Variants in STX1A observed in about 807,000 individuals in gnomAD.
The protein encoded by STX1A is syntaxin 1A, also known as syntaxin-1A.
STX1A carries 4 observed loss-of-function variants against 37.8 expected under a neutral mutation model. The ratio of observed to expected loss-of-function variants is 0.11; its 90% CI spans 0.05 to 0.24. The LOEUF (loss-of-function observed/expected upper bound fraction) is 0.24. Among genes scored for constraint, STX1A ranks in the 10% least tolerant of loss-of-function variants. The pLI, the probability that STX1A is intolerant of heterozygous loss-of-function variation, is 1.00. For missense variants in STX1A, 251 were observed against 399.9 expected, an observed-to-expected ratio of 0.63 and a Z score of 3.18; for synonymous variants, 135 against 147.4, an observed-to-expected ratio of 0.92 and a Z score of 0.61.
chr7:73,719,053 G>A (rs1006429494), intron 1 of STX1A, among the ~76,000 whole-genome samples: 32 of 151,918 alleles, frequency 2.1e-4, no homozygotes, highest in African/African-American at 7.2e-4. Flanking sequence ...GGTGACCAGG[G>A]TGGCCCGAGG....
intron 4 of STX1A, 138 bp from the exon 5 acceptor site, chr7:73,704,561 C>T: frequency 9.2e-7 from 1 of 1,084,344 alleles, no homozygotes; most frequent in South Asian, 1.4e-5. Context: ...CAGTGCCAGG[C>T]ACCGATGGAG....
intron 1 of STX1A, among the ~76,000 whole-genome samples, chr7:73,710,101 C>G (rs1265721703): frequency 6.6e-6 from 1 of 152,240 alleles, no homozygotes; most frequent in Non-Finnish European, 1.5e-5. Context: ...CCAGCAGGCA[C>G]AAGGGGACAG....
rs1379610263 is a variant in STX1A at position 73,700,304 on chromosome 7, C to T, written c.*103G>A. On this transcript the variant is annotated 3_prime_UTR_variant, in exon 10 of 10. Coordinates refer to ENST00000222812, the MANE Select transcript of STX1A (RefSeq NM_004603.4). The surrounding 1 kb of genome is among the most constrained non-coding windows in gnomAD (Gnocchi z 4.4). ...CATGGGGGCCGGGAGGGAGGGTGCT[C>T]TGAGCCAGAGGCGGGGGTTGGGAGG... 1.7e-6 allele frequency: 2 copies of T among 1,165,516 alleles called. No homozygotes were observed. The highest frequency in any genetic ancestry group is 2.5e-6 in the Non-Finnish European group (2 of 788,840). 72.2% of individuals were successfully genotyped at this position (1,165,516 alleles called of 1,614,324 possible).
chr7:73,700,216 C>T lies in STX1A; in HGVS notation c.*191G>A. On this transcript the variant is annotated 3_prime_UTR_variant, in exon 10 of 10. Transcript: ENST00000222812. The surrounding 1 kb of genome is among the most constrained non-coding windows in gnomAD (Gnocchi z 4.4). The stretch of plus-strand genomic sequence containing the variant: ...CTCTGCCTCTTCCCGTACAGACGCA[C>T]ACTCACAGAGATCATGCACACGACA... 1 of 631,064 alleles carries T rather than the reference C, an allele frequency of 1.6e-6. No individual in the cohort carries two copies. Among genetic ancestry groups the T allele is most frequent in the Non-Finnish European group, 2.8e-6 (1 of 354,286 alleles). 39.1% of individuals were successfully genotyped at this position (631,064 alleles called of 1,614,324 possible).
chr7:73,711,001 T>C (rs142352692), intron 1 of STX1A, among the ~76,000 whole-genome samples: 10 of 152,094 alleles, frequency 6.6e-5, no homozygotes, highest in African/African-American at 2.2e-4. Flanking sequence ...GACTGATTGA[T>C]TGATTGAGAC....
At position 73,705,415 on chromosome 7, in the gene STX1A, C is replaced by T; in HGVS notation, c.209-191G>A. On this transcript the variant is annotated intron_variant, in intron 3 of 9. Transcript: ENST00000222812. The surrounding 1 kb of genome is among the most constrained non-coding windows in gnomAD (Gnocchi z 5.2). ...TGGGCCAGGGCTGCACCAGCTGCAG[C>T]TTCACCCCCTCTTGTGCTGTCTTCG... is the stretch of plus-strand genomic sequence containing the variant. 3.4e-6 allele frequency: 2 copies of T among 591,000 alleles called. No homozygotes were observed. Among genetic ancestry groups the T allele is most frequent in the Non-Finnish European group, 6.0e-6 (2 of 331,784 alleles). The allele number at this position is 591,000 out of a possible 1,614,324, so 36.6% of individuals were successfully genotyped here.
chr7:73,708,331 G>A (rs1554617365), intron 3 of STX1A, among the ~76,000 whole-genome samples: 3 of 151,682 alleles, frequency 2.0e-5, no homozygotes, highest in South Asian at 2.1e-4. Flanking sequence ...GGGGCCGATC[G>A]CCTCTCCCAT....
chr7:73,703,153 GT>G (rs1312018868), intron 7 of STX1A, among the ~76,000 whole-genome samples, 171 bp from the exon 8 acceptor site: 363 of 152,306 alleles, frequency 2.4e-3, no homozygotes, highest in African/African-American at 8.3e-3. Flanking sequence ...CATGCTAGCT[GT>G]TACCTAATTT....
In STX1A at chr7:73,709,594, G is replaced by C. The variant is rs1799022211; in HGVS notation, c.31-472C>G. ...GTTGAGGTCTTGCTGTGTCACCCAG[G>C]CTGGAGTGCAGGGGTGCAATCACAG... On this transcript the variant is annotated intron_variant, in intron 1 of 9. Transcript: ENST00000222812. The surrounding 1 kb of genome is among the most constrained non-coding windows in gnomAD (Gnocchi z 4.2). 6.6e-6 allele frequency among the ~76,000 whole-genome samples: 1 copy of C among 152,180 alleles called. No homozygotes were observed. The highest frequency in any genetic ancestry group is 1.5e-5 in the Non-Finnish European group (1 of 68,028).
rs1554616983 is a variant in STX1A at position 73,706,423 on chromosome 7, C to T, written c.209-1199G>A. Among the ~76,000 whole-genome samples, 1 of 152,060 alleles carries T rather than the reference C, an allele frequency of 6.6e-6. No homozygotes were observed. The highest frequency in any genetic ancestry group is 1.9e-4 in the East Asian group (1 of 5,164). The stretch of plus-strand genomic sequence containing the variant: ...CAGAGCCTGCCTTGCCCGGGAGAGC[C>T]CCCCACTCATTGCCATCTTTCCTTG... On this transcript the variant is annotated intron_variant, in intron 3 of 9. Transcript: ENST00000222812. The surrounding 1 kb of genome is among the most constrained non-coding windows in gnomAD (Gnocchi z 4.6).
intron 4 of STX1A, chr7:73,704,929 C>T (rs1473578259): frequency 5.0e-6 from 3 of 605,244 alleles, no homozygotes; most frequent in South Asian, 3.8e-5. Context: ...TGGAGCCCTC[C>T]CTCGCCAAAG....
chr7:73,702,798 G>C lies in STX1A; in HGVS notation c.678+47C>G. ...AAAGGGCGAGGTTAGTGCAGCCCTG[G>C]GTGCTGGTGTGGGCTGGAGTGGAGG... On this transcript the variant is annotated intron_variant, in intron 8 of 9. Coordinates refer to ENST00000222812, the MANE Select transcript of STX1A (RefSeq NM_004603.4). The surrounding 1 kb of genome is among the most constrained non-coding windows in gnomAD (Gnocchi z 4.7). The C allele has an allele frequency of 6.2e-7, 1 of 1,613,500 alleles. No homozygotes were observed. The highest frequency in any genetic ancestry group is 8.5e-7 in the Non-Finnish European group (1 of 1,179,718).
chr7:73,719,641 A>C lies in STX1A; in HGVS notation c.-10T>G. The C allele has an allele frequency of 8.4e-7, 1 of 1,194,560 alleles. No individual in the cohort carries two copies. Among genetic ancestry groups the C allele is most frequent in the Non-Finnish European group, 1.0e-6 (1 of 959,386 alleles). 74.0% of individuals were successfully genotyped at this position (1,194,560 alleles called of 1,614,324 possible). ...GGGTTCGGTCCTTCATGCTCCCGGGAGTGGCAGCGGCGCCGGCTGCAGCCG... is the reference window on the plus strand; with the variant it reads ...GGGTTCGGTCCTTCATGCTCCCGGGCGTGGCAGCGGCGCCGGCTGCAGCCG... On this transcript the variant is annotated 5_prime_UTR_variant, in exon 1 of 10. Transcript: ENST00000222812.
Position 73,700,586 on chromosome 7 carries a change from C to T in STX1A, c.790-102G>A. 2.6e-6 allele frequency: 4 copies of T among 1,512,394 alleles called. No individual in the cohort carries two copies. Among genetic ancestry groups the T allele is most frequent in the Non-Finnish European group, 3.6e-6 (4 of 1,111,584 alleles). 93.7% of individuals were successfully genotyped at this position (1,512,394 alleles called of 1,614,324 possible). ...ACTGGACAGTCGGGGGGGATCCAAG[C>T]AGGGGAAGGTGACGGCCTGGGAGGG... is the stretch of plus-strand genomic sequence containing the variant. On this transcript the variant is annotated intron_variant, in intron 9 of 9. Transcript: ENST00000222812. The surrounding 1 kb of genome is among the most constrained non-coding windows in gnomAD (Gnocchi z 4.4).
At chr7:73,703,566 G>C (rs782791499) in intron 7 of STX1A, 189 bp downstream of exon 7, 1 of 766,898 alleles carries the variant, frequency 1.3e-6, no homozygotes, top group South Asian at 1.5e-5. Context: ...GGGGTCTTGA[G>C]TCCACCTTTG....
chr7:73,700,249 G>T lies in STX1A; in HGVS notation c.*158C>A. 1 of 682,798 alleles carries T rather than the reference G, an allele frequency of 1.5e-6. No homozygotes were observed. Among genetic ancestry groups the T allele is most frequent in the Non-Finnish European group, 2.6e-6 (1 of 387,766 alleles). The allele number at this position is 682,798 out of a possible 1,614,324, so 42.3% of individuals were successfully genotyped here. A position where few individuals can be genotyped will look rare whatever the true frequency, so the allele number is the denominator to read the frequency against. On this transcript the variant is annotated 3_prime_UTR_variant, in exon 10 of 10. Transcript: ENST00000222812. This position sits in a 1 kb window ranked among gnomAD's most constrained non-coding sequence, Gnocchi z 4.4. ...GAGATCATGCACACGACACGGGGCG[G>T]GGACGGAGGGCCCATGGCAGAGAAG...
At position 73,702,151 on chromosome 7, in the gene STX1A, C is replaced by A. The variant is rs372796471; in HGVS notation, c.678+694G>T. 6.6e-6 allele frequency among the ~76,000 whole-genome samples: 1 copy of A among 152,164 alleles called. No individual in the cohort carries two copies. The highest frequency in any genetic ancestry group is 2.1e-4 in the South Asian group (1 of 4,826). ...GTTGCTGGGGCCAGCTCTTCATCTC[C>A]GCTGCGAAGTCTTCACAGCTGGCTC... On this transcript the variant is annotated intron_variant, in intron 8 of 9. Coordinates refer to ENST00000222812, the MANE Select transcript of STX1A (RefSeq NM_004603.4). The surrounding 1 kb of genome is among the most constrained non-coding windows in gnomAD (Gnocchi z 4.7).
intron 4 of STX1A, 167 bp from the exon 5 acceptor site, chr7:73,704,590 C>T: frequency 1.3e-6 from 1 of 776,884 alleles, no homozygotes; most frequent in East Asian, 2.7e-5. Context: ...TACAGAAGCC[C>T]TTCCAGCTGT....
rs782034298 is a variant in STX1A, at chr7:73,708,614, G to T, written c.183C>A (p.Ile61=). ...TCTCATCGGGGTTGGGGGATGCCAG[G>T]ATGGCACTGTGCTTCCGCTTCACCT... ...VEEVKRKHSA[I]LASPNPDEKT... The change falls in exon 3 of 10, where the codon ATC becomes ATA. Residue 61 remains isoleucine, a synonymous_variant. Coordinates refer to ENST00000222812, the MANE Select transcript of STX1A (RefSeq NM_004603.4). The T allele has an allele frequency of 2.5e-6, 4 of 1,614,018 alleles. No individual in the cohort carries two copies. Among genetic ancestry groups the T allele is most frequent in the Non-Finnish European group, 3.4e-6 (4 of 1,180,014 alleles).
Sources: allele counts gnomAD v4.1 joint callset (sites outside exome capture counted in the v4.1 genomes callset), GRCh38; gene constraint gnomAD v4.1.1; non-coding constraint Gnocchi (gnomAD v3.1); transcripts MANE v1.5; gene names NCBI Gene and HGNC (gene_info 2026-07-23, HGNC 2026-07-21).